Variants in NOVA1 observed in about 807,000 individuals in gnomAD.
The protein encoded by NOVA1 is RNA-binding protein Nova-1.
Under a neutral mutation model 38.0 loss-of-function variants are expected in NOVA1, and 7 were observed. That is an observed-to-expected ratio of 0.18 (90% CI 0.10 to 0.35). The LOEUF (loss-of-function observed/expected upper bound fraction) is 0.35, where lower values mean the gene tolerates loss of function less well. NOVA1 is among the 10% of genes least tolerant of loss of function. NOVA1 has a pLI of 1.00. For missense variants in NOVA1, 460 were observed against 616.0 expected (o/e 0.75, Z 2.68); for synonymous variants, 270 against 232.5 (o/e 1.16, Z -1.47).
At chr14:26,572,583 G>T (rs1892548550) in intron 2 of NOVA1, among the ~76,000 whole-genome samples, 1 of 152,066 alleles carries the variant, frequency 6.6e-6, no homozygotes, top group Admixed American at 6.5e-5. Flanking sequence ...AGCTAGAAAA[G>T]ATTTGTAATT....
chr14:26,558,344 T>C (rs1211586098), intron 2 of NOVA1, among the ~76,000 whole-genome samples: 2 of 152,030 alleles, frequency 1.3e-5, no homozygotes, highest in African/African-American at 4.8e-5. Context: ...TCAACACAGG[T>C]GGATGGCTAA....
At chr14:26,576,854 A>G (rs1892881052) in intron 2 of NOVA1, among the ~76,000 whole-genome samples, 2 of 151,860 alleles carry the variant, frequency 1.3e-5, no homozygotes, top group South Asian at 4.1e-4. Context: ...TTCCACAGCT[A>G]CTTTTTTGGT....
chr14:26,476,119 A>C (rs1884966788), intron 3 of NOVA1, among the ~76,000 whole-genome samples: 1 of 152,168 alleles, frequency 6.6e-6, no homozygotes, highest in Non-Finnish European at 1.5e-5. Flanking sequence ...AAAATGAATA[A>C]AATATTTAAA....
chr14:26,550,827 T>C (rs1891115063), intron 2 of NOVA1, among the ~76,000 whole-genome samples: 1 of 152,126 alleles, frequency 6.6e-6, no homozygotes. Flanking sequence ...GAATCTCACT[T>C]CCTAATTAAA....
rs796768516 is a variant in NOVA1 at position 26,572,764 on chromosome 14, G to A, written c.280+22646C>T. On this transcript the variant is annotated intron_variant, in intron 2 of 4. Transcript: ENST00000539517. ...TGTGTGTGTGTGTGTGTGTGTGTGT[G>A]TATGTGTGTCTGTACGTTTAAAAAA... Among the ~76,000 whole-genome samples, 20 of 149,122 alleles carry A rather than the reference G, an allele frequency of 1.3e-4. No individual in the cohort carries two copies. In the East Asian group the frequency reaches 3.0e-3, roughly 22 times the overall value.
Position 26,448,121 on chromosome 14 carries a change from C to G in NOVA1, c.1362G>C (p.Arg454Ser). ...LVEYQELTGA[R>S]IQISKKGEFV... ...ATTCTCCTTTTTTGGAGATCTGTAT[C>G]CTTGCACCAGTCAACTCCTGGTATT... Residue 454 changes from arginine to serine, a missense_variant, in exon 5 of 5, where the codon AGG becomes AGC. Transcript: ENST00000539517. The surrounding 1 kb of genome is among the most constrained non-coding windows in gnomAD (Gnocchi z 5.3). 1 of 1,614,128 alleles carries G rather than the reference C, an allele frequency of 6.2e-7. No homozygotes were observed.
At chr14:26,469,786 G>A (rs112294594) in intron 4 of NOVA1, among the ~76,000 whole-genome samples, 150 of 152,116 alleles carry the variant, frequency 9.9e-4, no homozygotes, top group Non-Finnish European at 1.3e-3. Context: ...TTAGAGACAG[G>A]GTCTTGGCTA....
chr14:26,475,110 T>A (rs1210742516), intron 3 of NOVA1, among the ~76,000 whole-genome samples: 1 of 152,148 alleles, frequency 6.6e-6, no homozygotes, highest in Non-Finnish European at 1.5e-5. Flanking sequence ...ACAGATTTCT[T>A]ATAAAACAAA....
At chr14:26,538,270 A>G (rs938632604) in intron 2 of NOVA1, among the ~76,000 whole-genome samples, 11 of 152,280 alleles carry the variant, frequency 7.2e-5, no homozygotes, top group Middle Eastern at 3.4e-3. Flanking sequence ...GTAATCAAAG[A>G]CAAACAAAGT....
chr14:26,481,747 AT>A (rs1885468887), intron 2 of NOVA1, among the ~76,000 whole-genome samples: 1 of 151,956 alleles, frequency 6.6e-6, no homozygotes, highest in South Asian at 2.1e-4. Context: ...TGATATACAT[AT>A]TGTGGTTCCT....
intron 3 of NOVA1, chr14:26,479,595 AT>A (rs1885269287): frequency 5.0e-6 from 1 of 198,356 alleles, no homozygotes. Flanking sequence ...AAAACTACAA[AT>A]ATCACTAAAA....
At chr14:26,513,639 T>A (rs974092426) in intron 2 of NOVA1, among the ~76,000 whole-genome samples, 8 of 151,698 alleles carry the variant, frequency 5.3e-5, no homozygotes, top group African/African-American at 1.9e-4. Flanking sequence ...AAGTACAATA[T>A]TTTAAAAATG....
chr14:26,512,095 G>A (rs1392790561), intron 2 of NOVA1, among the ~76,000 whole-genome samples: 1 of 152,022 alleles, frequency 6.6e-6, no homozygotes, highest in African/African-American at 2.4e-5. Context: ...GCTATATAAT[G>A]TAAAGAAACC....
At chr14:26,467,644 T>C (rs1474090319) in intron 4 of NOVA1, among the ~76,000 whole-genome samples, 1 of 151,984 alleles carries the variant, frequency 6.6e-6, no homozygotes, top group Non-Finnish European at 1.5e-5. Flanking sequence ...GAAGGTAGAA[T>C]TGCTGCAGGA....
chr14:26,507,526 G>A lies in NOVA1; in HGVS notation c.281-27383C>T, dbSNP rs573081962. On this transcript the variant is annotated intron_variant, in intron 2 of 4. Transcript: ENST00000539517. The stretch of plus-strand genomic sequence containing the variant: ...AGTCAGTAAAATAGATGCTGAAAAA[G>A]TTTTGATTAATCAGTATATTTCATT... 3.3e-5 allele frequency among the ~76,000 whole-genome samples: 5 copies of A among 152,182 alleles called. No individual in the cohort carries two copies. The East Asian group carries it at 9.6e-4, about 29-fold the overall frequency.
chr14:26,586,051 A>C (rs1381157353), intron 2 of NOVA1, among the ~76,000 whole-genome samples: 3 of 151,358 alleles, frequency 2.0e-5, no homozygotes, highest in Non-Finnish European at 4.4e-5. Context: ...CTATGATTAA[A>C]CAATTGCGCT....
In NOVA1 at chr14:26,445,699, A is replaced by G. The variant is rs1882014076; in HGVS notation, c.*2260T>C. On this transcript the variant is annotated 3_prime_UTR_variant, in exon 5 of 5. Coordinates refer to ENST00000539517, the MANE Select transcript of NOVA1 (RefSeq NM_002515.3). ...ACCCAACATTTGAAATGCTTCTAGT[A>G]CACATCCTAGATCACTTCCTTTCCC... 6.6e-6 allele frequency: 1 copy of G among 152,280 alleles called. No individual in the cohort carries two copies. The highest frequency in any genetic ancestry group is 2.1e-4 in the South Asian group (1 of 4,838). The allele number at this position is 152,280 out of a possible 1,614,324, so 9.4% of individuals were successfully genotyped here.
intron 2 of NOVA1, among the ~76,000 whole-genome samples, chr14:26,513,120 AC>A (rs1386996141): frequency 2.0e-5 from 3 of 152,000 alleles, no homozygotes; most frequent in Non-Finnish European, 4.4e-5. Flanking sequence ...TGCTTTATGC[AC>A]TTTGCCTTCT....
At chr14:26,462,779 A>G (rs1414962615) in intron 4 of NOVA1, among the ~76,000 whole-genome samples, 2 of 152,214 alleles carry the variant, frequency 1.3e-5, no homozygotes, top group African/African-American at 4.8e-5. Context: ...GTAGCTTTAA[A>G]GCATATGTAA....
Sources: gnomAD v4.1 joint callset for allele counts (sites outside exome capture counted in the v4.1 genomes callset) on GRCh38, gnomAD v4.1.1 for gene constraint, Gnocchi (gnomAD v3.1) non-coding constraint, MANE v1.5 for transcripts, NCBI Gene and HGNC (gene_info 2026-07-23, HGNC 2026-07-21) for gene names.